The following PALMD variants were observed in gnomAD, a reference collection of about 807,000 sequenced individuals.
The protein encoded by PALMD is palmdelphin.
In PALMD, 42 loss-of-function variants were observed where a neutral mutation model predicts 56.2. That is an observed-to-expected ratio of 0.75 (90% CI 0.58 to 0.97). The LOEUF is 0.97. Among genes scored for constraint, PALMD ranks in the 50% least tolerant of loss-of-function variants. PALMD has a pLI of 0.00. For synonymous variants in PALMD, 242 were observed against 222.9 expected (o/e 1.09, Z -0.76); for missense variants, 660 against 643.8 (o/e 1.03, Z -0.27).
At chr1:99,674,979 C>T (rs1220354855) in intron 3 of PALMD, among the ~76,000 whole-genome samples, 4 of 152,246 alleles carry the variant, frequency 2.6e-5, no homozygotes, top group African/African-American at 9.6e-5. Context: ...GCTCAAAAAA[C>T]TTCCACACCC....
At chr1:99,691,095 A>T (rs181061743) in intron 7 of PALMD, among the ~76,000 whole-genome samples, 1 of 152,274 alleles carries the variant, frequency 6.6e-6, no homozygotes, top group East Asian at 1.9e-4. Flanking sequence ...GAGTTGAGTG[A>T]TATGTCTCAC....
chr1:99,673,542 G>C (rs1198963171), intron 3 of PALMD, among the ~76,000 whole-genome samples: 1 of 152,064 alleles, frequency 6.6e-6, no homozygotes, highest in Non-Finnish European at 1.5e-5. Context: ...CTGTTGCCTA[G>C]AGACACTCAA....
At chr1:99,667,884 T>A in intron 3 of PALMD, 118 bp downstream of exon 3, 1 of 453,446 alleles carries the variant, frequency 2.2e-6, no homozygotes, top group Non-Finnish European at 3.4e-6. Flanking sequence ...TTGAATTTCT[T>A]TTTTTTTTTT....
chr1:99,652,660 G>A (rs558968996), intron 1 of PALMD, among the ~76,000 whole-genome samples: 68 of 71,026 alleles, frequency 9.6e-4, no homozygotes, highest in Non-Finnish European at 1.4e-3. Flanking sequence ...AGAAAGAAAA[G>A]AAAGGAAAGG....
intron 3 of PALMD, among the ~76,000 whole-genome samples, chr1:99,677,235 T>TC (rs201013610): frequency 0.037 from 5,568 of 152,078 alleles, 278 homozygotes; most frequent in African/African-American, 0.12. Flanking sequence ...AATGAGTAAT[T>TC]CTGCAAATCA....
In PALMD at chr1:99,683,054, A is replaced by AAG. The variant is rs775605217; in HGVS notation, c.252-3586_252-3585dup. Among the ~76,000 whole-genome samples the AAG allele has an allele frequency of 1.6e-3, 41 of 26,310 alleles. 1 individual carries two copies. Among genetic ancestry groups the AAG allele is most frequent in the Middle Eastern group, 0.014 (1 of 74 alleles). 17.3% of individuals were successfully genotyped at this position (26,310 alleles called of 152,430 possible). A position where few individuals can be genotyped will look rare whatever the true frequency, so the allele number is the denominator to read the frequency against. On this transcript the variant is annotated intron_variant, in intron 3 of 7. Coordinates refer to ENST00000263174, the MANE Select transcript of PALMD (RefSeq NM_017734.5). ...AAAGAAAGAAAGAAAGAAAGAAAGAAAGAGAGAGAGAGAGAGAGAGAGAGA... is the reference window on the plus strand; with the variant it reads ...AAAGAAAGAAAGAAAGAAAGAAAGAAAGAGAGAGAGAGAGAGAGAGAGAGAGA...
chr1:99,656,711 G>A (rs184739883), intron 1 of PALMD, among the ~76,000 whole-genome samples: 14 of 152,034 alleles, frequency 9.2e-5, no homozygotes, highest in Admixed American at 7.9e-4. Context: ...CTTTTCTTTT[G>A]TAGAGTTAGT....
At chr1:99,655,184 T>C (rs1652690624) in intron 1 of PALMD, among the ~76,000 whole-genome samples, 1 of 152,098 alleles carries the variant, frequency 6.6e-6, no homozygotes, top group South Asian at 2.1e-4. Context: ...GTTAAAAATT[T>C]AGAAAAACAA....
rs117801427 is a variant in PALMD at position 99,687,243 on chromosome 1, G to A, written c.514+54G>A. On this transcript the variant is annotated intron_variant, in intron 6 of 7. Transcript: ENST00000263174. ...TGTTCTTAATTTCAGATTTTACAGT[G>A]TCAAATATTCACAACTTGCTATGAC... The A allele has an allele frequency of 1.9e-3, 2,857 of 1,533,758 alleles. 54 individuals are homozygous for A. The Admixed American group carries it at 0.028, about 15-fold the overall frequency.
Position 99,694,494 on chromosome 1 carries a change from C to T in PALMD, c.*432C>T, listed in dbSNP as rs760526624. 7 of 156,370 alleles carry T rather than the reference C, an allele frequency of 4.5e-5. No individual in the cohort carries two copies. Among genetic ancestry groups the T allele is most frequent in the South Asian group, 2.0e-4 (1 of 5,102 alleles). 9.7% of individuals were successfully genotyped at this position (156,370 alleles called of 1,614,324 possible). A position where few individuals can be genotyped will look rare whatever the true frequency, so the allele number is the denominator to read the frequency against. On this transcript the variant is annotated 3_prime_UTR_variant, in exon 8 of 8. Coordinates refer to ENST00000263174, the MANE Select transcript of PALMD (RefSeq NM_017734.5). ...AACTCTGACAAATAAATATGTCATC[C>T]TGAATTAATAATGCCTTAATAAAAG...
At chr1:99,655,947 CAT>C (rs891661269) in intron 1 of PALMD, among the ~76,000 whole-genome samples, 2 of 32,052 alleles carry the variant, frequency 6.2e-5, no homozygotes, top group African/African-American at 2.1e-4. Flanking sequence ...CACACACACA[CAT>C]GCACACACAC....
intron 3 of PALMD, among the ~76,000 whole-genome samples, chr1:99,679,602 C>T (rs1366621956): frequency 6.6e-6 from 1 of 152,206 alleles, no homozygotes; most frequent in Non-Finnish European, 1.5e-5. Flanking sequence ...CGTTTACACA[C>T]TCGTGGGCCC....
Position 99,689,569 on chromosome 1 carries a change from G to A in PALMD, c.1309G>A (p.Asp437Asn). 1 of 1,613,800 alleles carries A rather than the reference G, an allele frequency of 6.2e-7. No individual in the cohort carries two copies. Among genetic ancestry groups the A allele is most frequent in the Middle Eastern group, 1.7e-4 (1 of 6,060 alleles). ...AGATAAGAAGTTTCTGACAGGATAT[G>A]ATGGGATCATCCATGCTGAGCTGGT... ...EEDKKFLTGY[D>N]GIIHAELVVI... Residue 437 changes from aspartate (D) to asparagine (N), a missense_variant, in exon 7 of 8, where the codon GAT (aspartate) becomes AAT (asparagine). Asp to Asn is a conservative substitution (Grantham distance 23). Coordinates refer to ENST00000263174, the MANE Select transcript of PALMD (RefSeq NM_017734.5).
chr1:99,670,858 G>A (rs1045928099), intron 3 of PALMD, among the ~76,000 whole-genome samples: 11 of 152,142 alleles, frequency 7.2e-5, no homozygotes, highest in Admixed American at 5.2e-4. Context: ...ATAATGGAAC[G>A]TTTTCTTCTC....
intron 6 of PALMD, among the ~76,000 whole-genome samples, 186 bp from the exon 7 acceptor site, chr1:99,688,589 A>G (rs1336334471): frequency 6.6e-6 from 1 of 152,160 alleles, no homozygotes; most frequent in African/African-American, 2.4e-5. Context: ...CATTACATAA[A>G]AACCCGTGTT....
intron 2 of PALMD, among the ~76,000 whole-genome samples, chr1:99,663,222 G>GA (rs1426342092): frequency 2.0e-5 from 3 of 152,056 alleles, no homozygotes; most frequent in Admixed American, 1.3e-4. Flanking sequence ...ACCTGCCTCT[G>GA]AAAAAAAACA....
intron 3 of PALMD, among the ~76,000 whole-genome samples, chr1:99,683,054 AAGAGAGAGAGAGAG>A (rs775605217): frequency 7.6e-5 from 2 of 26,276 alleles, no homozygotes; most frequent in African/African-American, 1.4e-4. Flanking sequence ...GAAAGAAAGA[AAGAGAGAGAGAGAG>A]AGAGAGAGAG....
Position 99,683,080 on chromosome 1 carries a change from GAGAGAGAGAGAAAGAAAGAAAGAAAGAA to G in PALMD, c.252-3592_252-3565del, listed in dbSNP as rs1483517854. On this transcript the variant is annotated intron_variant, in intron 3 of 7. Transcript: ENST00000263174. ...AGAGAGAGAGAGAGAGAGAGAGAGA[GAGAGAGAGAGAAAGAAAGAAAGAAAGAA>G]AGAAAGAAAGAAAGAAAGAAAGAAA... Among the ~76,000 whole-genome samples the G allele has an allele frequency of 2.4e-3, 41 of 16,890 alleles. 1 individual carries two copies. The highest frequency in any genetic ancestry group is 0.023 in the Middle Eastern group (1 of 44). The allele number at this position is 16,890 out of a possible 152,430, so 11.1% of individuals were successfully genotyped here. A position where few individuals can be genotyped will look rare whatever the true frequency, so the allele number is the denominator to read the frequency against.
At chr1:99,653,404 G>GTC (rs1207942536) in intron 1 of PALMD, among the ~76,000 whole-genome samples, 2 of 151,974 alleles carry the variant, frequency 1.3e-5, no homozygotes. Flanking sequence ...AGATAGGGTA[G>GTC]ACAAAGGAAA....
Sources: gnomAD v4.1 joint callset for allele counts (sites outside exome capture counted in the v4.1 genomes callset) on GRCh38, gnomAD v4.1.1 for gene constraint, MANE v1.5 for transcripts, NCBI Gene and HGNC (gene_info 2026-07-23, HGNC 2026-07-21) for gene names.